CCDC30: variants seen among roughly 807,000 people sequenced by gnomAD.
CCDC30 encodes the protein coiled-coil domain containing 30, also known as coiled-coil domain-containing protein 30.
In CCDC30, 70 loss-of-function variants were observed where a neutral mutation model predicts 100.2. The ratio of observed to expected loss-of-function variants is 0.70; its 90% CI spans 0.58 to 0.85. CCDC30 has a LOEUF of 0.85. Ranked by LOEUF, CCDC30 falls within the 40% of genes least tolerant of loss-of-function variation. CCDC30 has a pLI of 0.00. For missense variants in CCDC30, 652 were observed against 771.2 expected, an observed-to-expected ratio of 0.85 and a Z score of 1.83; for synonymous variants, 233 against 269.5, an observed-to-expected ratio of 0.86 and a Z score of 1.33.
chr1:42,649,743 ACAAAATCAACACAC>A (rs141713845), intron 15 of CCDC30, among the ~76,000 whole-genome samples: 7,519 of 152,200 alleles, frequency 0.049, 233 homozygotes, highest in African/African-American at 0.07. Context: ...GTTGAAGGAT[ACAAAATCAACACAC>A]CAAAATCAAC....
At chr1:42,500,480 G>T in intron 6 of CCDC30, 1 of 593,734 alleles carries the variant, frequency 1.7e-6, no homozygotes, top group Non-Finnish European at 3.0e-6. Context: ...GTGGCGTGAT[G>T]TCGGCTCACT....
the CCDC30 span, chr1:42,456,874 C>T: frequency 1.2e-5 from 20 of 1,613,214 alleles, no homozygotes; most frequent in Non-Finnish European, 1.6e-5. Flanking sequence ...CTTGGCTGTC[C>T]GCTCTGCGGC....
chr1:42,646,119 T>C lies in CCDC30; in HGVS notation c.1672-16T>C. On this transcript the variant is annotated splice_polypyrimidine_tract_variant and intron_variant, in intron 14 of 16. Transcript: ENST00000668663. ...CCTATTGAAATAAATAACTCCAAAA[T>C]TGTTTTTAAACTTAGAATCTTAAGG... 6.4e-7 allele frequency: 1 copy of C among 1,555,234 alleles called. No individual in the cohort carries two copies. Among genetic ancestry groups the C allele is most frequent in the Non-Finnish European group, 8.7e-7 (1 of 1,155,326 alleles).
chr1:42,581,490 A>G (rs920576172), exon 9 of CCDC30: 2 of 1,613,338 alleles, frequency 1.2e-6, no homozygotes, highest in African/African-American at 2.7e-5. Flanking sequence ...GTAAAGCAAC[A>G]ATATCAAGAA....
chr1:42,619,679 C>T, intron 11 of CCDC30, among the ~76,000 whole-genome samples: 1 of 152,108 alleles, frequency 6.6e-6, no homozygotes, highest in African/African-American at 2.4e-5. Context: ...GTCAATATCG[C>T]TTTCACACCT....
At position 42,637,226 on chromosome 1, in the gene CCDC30, T is replaced by C. The variant is rs777990111; in HGVS notation, c.1278-11T>C. The C allele has an allele frequency of 7.7e-5, 122 of 1,576,456 alleles. No homozygotes were observed. Among genetic ancestry groups the C allele is most frequent in the Non-Finnish European group, 9.9e-5 (116 of 1,168,954 alleles). Reference sequence around the variant, plus strand: ...GTTCAGATGTGTCTAAACTCAAATTTACTTTTATAGAAACTATAATGAGAA... The same window carrying C: ...GTTCAGATGTGTCTAAACTCAAATTCACTTTTATAGAAACTATAATGAGAA... On this transcript the variant is annotated splice_polypyrimidine_tract_variant and intron_variant, in intron 11 of 16. Transcript: ENST00000668663.
At chr1:42,456,571 G>A in the CCDC30 span, 1 of 1,480,638 alleles carries the variant, frequency 6.8e-7, no homozygotes, top group Non-Finnish European at 8.9e-7. Context: ...TGCAGATGGC[G>A]GAAATGGATC....
At chr1:42,499,537 G>T (rs1644276418) in intron 6 of CCDC30, among the ~76,000 whole-genome samples, 2 of 152,044 alleles carry the variant, frequency 1.3e-5, no homozygotes. Context: ...GTACAGGGGT[G>T]CAGTCCTGGC....
chr1:42,492,382 G>GT (rs1160495336), intron 4 of CCDC30: 3 of 201,282 alleles, frequency 1.5e-5, no homozygotes, highest in Non-Finnish European at 2.0e-5. Context: ...AGATGCCCAA[G>GT]TTTGATTTGG....
At position 42,604,340 on chromosome 1, in the gene CCDC30, C is replaced by T. The variant is rs550812016; in HGVS notation, c.1165-6638C>T. Reference sequence around the variant, plus strand: ...GAACAAATGTGGTATATGTTGATTCCAGAATCTAAAGAGGCAACTCCAAGC... The same window carrying T: ...GAACAAATGTGGTATATGTTGATTCTAGAATCTAAAGAGGCAACTCCAAGC... On this transcript the variant is annotated intron_variant, in intron 10 of 16. Coordinates refer to ENST00000668663, the Ensembl canonical transcript of CCDC30. Among the ~76,000 whole-genome samples, 6 of 152,264 alleles carry T rather than the reference C, an allele frequency of 3.9e-5. No individual in the cohort carries two copies. The East Asian group carries it at 1.2e-3, about 29-fold the overall frequency.
intron 6 of CCDC30, among the ~76,000 whole-genome samples, chr1:42,509,874 TA>T (rs375317811): frequency 7.4e-5 from 11 of 148,948 alleles, no homozygotes; most frequent in South Asian, 2.1e-4. Context: ...GCCCACTGGT[TA>T]AAAAAAAAAC....
chr1:42,476,203 A>G (rs1432827704), intron 1 of CCDC30, among the ~76,000 whole-genome samples: 3 of 152,168 alleles, frequency 2.0e-5, no homozygotes, highest in African/African-American at 7.2e-5. Context: ...TGAACATGGG[A>G]ATTTCATCTC....
Position 42,630,890 on chromosome 1 carries a change from T to C in CCDC30, c.1278-6347T>C, listed in dbSNP as rs182325457. ...ATTCTCTGTATTATCTTTAATTTCT[T>C]TGAGTTTCTTCAGAACAGCTATTTT... On this transcript the variant is annotated intron_variant, in intron 11 of 16. Coordinates refer to ENST00000668663, the Ensembl canonical transcript of CCDC30. Among the ~76,000 whole-genome samples the C allele has an allele frequency of 4.5e-3, 689 of 152,320 alleles. 2 individuals are homozygous for C. Among genetic ancestry groups the C allele is most frequent in the Non-Finnish European group, 7.1e-3 (485 of 68,008 alleles).
At chr1:42,589,978 T>G (rs1001590483) in intron 10 of CCDC30, 6 of 152,620 alleles carry the variant, frequency 3.9e-5, no homozygotes, top group African/African-American at 1.4e-4. Context: ...TGCTGAAATG[T>G]AATCCCCATC....
intron 11 of CCDC30, among the ~76,000 whole-genome samples, chr1:42,635,192 C>T (rs564531659): frequency 4.5e-4 from 68 of 152,056 alleles, no homozygotes; most frequent in Non-Finnish European, 7.4e-4. Flanking sequence ...AATACAGGTG[C>T]CCGCCACCAC....
At chr1:42,637,852 G>C (rs768280700) in intron 12 of CCDC30, among the ~76,000 whole-genome samples, 4 of 152,152 alleles carry the variant, frequency 2.6e-5, no homozygotes, top group African/African-American at 7.2e-5. Context: ...TGAATAAACA[G>C]GAAATGGGAC....
At chr1:42,477,419 G>A (rs995787664) in intron 1 of CCDC30, among the ~76,000 whole-genome samples, 5 of 152,036 alleles carry the variant, frequency 3.3e-5, no homozygotes, top group African/African-American at 7.2e-5. Context: ...TAGTAAAGAC[G>A]GGGTTTCACC....
At chr1:42,472,385 T>C (rs1398762054) in intron 1 of CCDC30, among the ~76,000 whole-genome samples, 1 of 152,204 alleles carries the variant, frequency 6.6e-6, no homozygotes, top group Non-Finnish European at 1.5e-5. Flanking sequence ...AAAATTGATA[T>C]TGATAGCAGG....
upstream of CCDC30, among the ~76,000 whole-genome samples, chr1:42,462,805 TC>T (rs1643446174): frequency 6.6e-6 from 1 of 152,182 alleles, no homozygotes; most frequent in South Asian, 2.1e-4. Context: ...ACAATTCTAG[TC>T]AAGCCCAGTT....
Sources: allele counts gnomAD v4.1 joint callset (sites outside exome capture counted in the v4.1 genomes callset), GRCh38; gene constraint gnomAD v4.1.1; transcripts MANE v1.5; gene names NCBI Gene and HGNC (gene_info 2026-07-23, HGNC 2026-07-21).